The following SEMA5A variants were observed in gnomAD, a reference collection of about 807,000 sequenced individuals.
SEMA5A encodes semaphorin 5A.
Under a neutral mutation model 135.5 loss-of-function variants are expected in SEMA5A, and 55 were observed. That is an observed-to-expected ratio of 0.41 (90% CI 0.33 to 0.51). SEMA5A has a LOEUF of 0.51. Ranked by LOEUF, SEMA5A falls within the 20% of genes least tolerant of loss-of-function variation. The pLI is 0.37. For missense variants in SEMA5A, 1,290 were observed against 1,419.9 expected (o/e 0.91, Z 1.47); for synonymous variants, 580 against 546.5 (o/e 1.06, Z -0.85).
chr5:9,525,776 G>T (rs1737091493), intron 1 of SEMA5A, among the ~76,000 whole-genome samples: 1 of 152,220 alleles, frequency 6.6e-6, no homozygotes, highest in South Asian at 2.1e-4. Flanking sequence ...TTGAACACCA[G>T]ACTGAGAAAT....
At chr5:9,139,651 C>T (rs1159159442) in intron 12 of SEMA5A, among the ~76,000 whole-genome samples, 1 of 152,156 alleles carries the variant, frequency 6.6e-6, no homozygotes, top group East Asian at 1.9e-4. Flanking sequence ...GTGATTTTTG[C>T]ATTAAAATGC....
chr5:9,254,468 T>C lies in SEMA5A; in HGVS notation c.271-16578A>G, dbSNP rs544680307. On this transcript the variant is annotated intron_variant, in intron 5 of 22. Transcript: ENST00000382496. ...AACAGGTACCAGGATGTGCAAAGTC[T>C]GTGAGAAGTGGAAAAACATCTCACA... is the stretch of plus-strand genomic sequence containing the variant. Among the ~76,000 whole-genome samples, 3 of 152,238 alleles carry C rather than the reference T, an allele frequency of 2.0e-5. No individual in the cohort carries two copies. The South Asian group carries it at 6.2e-4, about 32-fold the overall frequency.
intron 1 of SEMA5A, among the ~76,000 whole-genome samples, chr5:9,469,864 G>A (rs1759411663): frequency 6.6e-6 from 1 of 152,176 alleles, no homozygotes; most frequent in Admixed American, 6.5e-5. Context: ...AAATCTTGAG[G>A]AACACATGTT....
intron 3 of SEMA5A, among the ~76,000 whole-genome samples, chr5:9,349,751 A>C (rs549474678): frequency 6.6e-6 from 1 of 152,220 alleles, no homozygotes; most frequent in South Asian, 2.1e-4. Context: ...AATACAAAAA[A>C]ATTAGTCAGG....
chr5:9,438,968 G>C (rs1179458416), intron 1 of SEMA5A, among the ~76,000 whole-genome samples: 3 of 152,206 alleles, frequency 2.0e-5, no homozygotes, highest in Non-Finnish European at 2.9e-5. Context: ...GGTCAAGGTG[G>C]CACTGCCTCT....
At chr5:9,465,032 G>A (rs146586919) in intron 1 of SEMA5A, among the ~76,000 whole-genome samples, 42 of 152,094 alleles carry the variant, frequency 2.8e-4, no homozygotes, top group African/African-American at 8.4e-4. Flanking sequence ...CACCTGGAAC[G>A]AGCTGTAAAA....
At position 9,284,991 on chromosome 5, in the gene SEMA5A, C is replaced by A. The variant is rs78453938; in HGVS notation, c.270+33381G>T. ...CTCTACCAGTCTGAGGCAGACTTCCCAGCAAGAAAATTCTCACATCCTCCT... is the reference window on the plus strand; with the variant it reads ...CTCTACCAGTCTGAGGCAGACTTCCAAGCAAGAAAATTCTCACATCCTCCT... On this transcript the variant is annotated intron_variant, in intron 5 of 22. Transcript: ENST00000382496. 8.4e-3 allele frequency among the ~76,000 whole-genome samples: 1,273 copies of A among 152,272 alleles called. 15 individuals are homozygous for A. The highest frequency in any genetic ancestry group is 0.029 in the African/African-American group (1,225 of 41,564).
At chr5:9,351,222 T>G (rs1314888739) in intron 3 of SEMA5A, among the ~76,000 whole-genome samples, 1 of 152,134 alleles carries the variant, frequency 6.6e-6, no homozygotes, top group Non-Finnish European at 1.5e-5. Context: ...TGAAACTTCT[T>G]TACATGAGTT....
chr5:9,244,036 C>T (rs1748352014), intron 5 of SEMA5A, among the ~76,000 whole-genome samples: 1 of 152,156 alleles, frequency 6.6e-6, no homozygotes, highest in African/African-American at 2.4e-5. Context: ...AGCCTCTGGG[C>T]CCATTCACAG....
intron 1 of SEMA5A, among the ~76,000 whole-genome samples, chr5:9,535,631 C>T (rs11953044): frequency 0.029 from 4,371 of 151,970 alleles, 82 homozygotes; most frequent in Non-Finnish European, 0.04. Flanking sequence ...AACTCAACCA[C>T]CTGGGTTGGG....
At chr5:9,059,535 T>C (rs1307333657) in intron 18 of SEMA5A, among the ~76,000 whole-genome samples, 6 of 152,186 alleles carry the variant, frequency 3.9e-5, no homozygotes, top group Non-Finnish European at 2.9e-5. Context: ...AAAATGTGTT[T>C]TTATATTCTC....
At chr5:9,207,851 TGATAGATAGATAGATAGATA>T (rs55679317) in intron 8 of SEMA5A, among the ~76,000 whole-genome samples, 3 of 145,990 alleles carry the variant, frequency 2.1e-5, no homozygotes, top group Non-Finnish European at 3.0e-5. Flanking sequence ...AGACAGATGA[TGATAGATAGATAGATAGATA>T]GATAGATAGA....
chr5:9,518,587 C>T (rs1736651279), intron 1 of SEMA5A, among the ~76,000 whole-genome samples: 1 of 152,168 alleles, frequency 6.6e-6, no homozygotes, highest in African/African-American at 2.4e-5. Flanking sequence ...TTATGCCAAC[C>T]TACTCACTGC....
Position 9,096,461 on chromosome 5 carries a change from G to C in SEMA5A, c.2073+11679C>G, listed in dbSNP as rs199867205. 5.3e-5 allele frequency among the ~76,000 whole-genome samples: 8 copies of C among 150,806 alleles called. No individual in the cohort carries two copies. The East Asian group carries it at 1.3e-3, about 25-fold the overall frequency. ...GATAATGCACTATTTCTCTTTCTTT[G>C]TTTGGTTTATTTTATTTAGCATAAT... On this transcript the variant is annotated intron_variant, in intron 16 of 22. Coordinates refer to ENST00000382496, the MANE Select transcript of SEMA5A (RefSeq NM_003966.3).
At chr5:9,309,353 T>A (rs1353741508) in intron 5 of SEMA5A, among the ~76,000 whole-genome samples, 1 of 152,136 alleles carries the variant, frequency 6.6e-6, no homozygotes, top group Non-Finnish European at 1.5e-5. Context: ...GGTCTTGTTT[T>A]CCCTAGCACA....
chr5:9,107,637 C>T (rs1210555728), intron 16 of SEMA5A, among the ~76,000 whole-genome samples: 2 of 152,040 alleles, frequency 1.3e-5, no homozygotes, highest in African/African-American at 2.4e-5. Flanking sequence ...ACTTAATTCA[C>T]GAAGCCTCCA....
At chr5:9,216,300 T>G (rs1248454278) in intron 8 of SEMA5A, among the ~76,000 whole-genome samples, 3 of 152,124 alleles carry the variant, frequency 2.0e-5, no homozygotes, top group Non-Finnish European at 1.5e-5. Flanking sequence ...GTTTTTTGAG[T>G]GATTTTCTTA....
intron 11 of SEMA5A, among the ~76,000 whole-genome samples, chr5:9,185,294 G>C (rs1367897856): frequency 6.6e-6 from 1 of 152,194 alleles, no homozygotes; most frequent in Non-Finnish European, 1.5e-5. Flanking sequence ...TAGGGGAAGA[G>C]AAGGAAACAG....
intron 5 of SEMA5A, among the ~76,000 whole-genome samples, chr5:9,305,905 C>T (rs1278775465): frequency 1.3e-5 from 2 of 152,036 alleles, no homozygotes; most frequent in Non-Finnish European, 2.9e-5. Context: ...TCCAGCATGG[C>T]AGAGGAACAA....
Sources: gnomAD v4.1 joint callset for allele counts (sites outside exome capture counted in the v4.1 genomes callset) on GRCh38, gnomAD v4.1.1 for gene constraint, MANE v1.5 for transcripts, NCBI Gene and HGNC (gene_info 2026-07-23, HGNC 2026-07-21) for gene names.